The following NCAM2 variants were observed in gnomAD, a reference collection of about 807,000 sequenced individuals.
NCAM2 encodes the protein neural cell adhesion molecule 2.
Under a neutral mutation model 98.1 loss-of-function variants are expected in NCAM2, and 30 were observed. The ratio of observed to expected loss-of-function variants is 0.31; its 90% CI spans 0.23 to 0.41. NCAM2 has a LOEUF of 0.41. Among genes scored for constraint, NCAM2 ranks in the 10% least tolerant of loss-of-function variants. NCAM2 has a pLI of 1.00. For missense variants in NCAM2, 867 were observed against 1,005.8 expected (o/e 0.86, Z 1.87); for synonymous variants, 368 against 342.4 (o/e 1.07, Z -0.83).
intron 1 of NCAM2, among the ~76,000 whole-genome samples, chr21:21,121,773 G>A (rs2066679743): frequency 6.6e-6 from 1 of 152,222 alleles, no homozygotes; most frequent in African/African-American, 2.4e-5. Flanking sequence ...AGGAATTCCT[G>A]CCAGAATCAT....
rs559132331 is a variant in NCAM2, at chr21:21,286,011, T to G, written c.338-258T>G. Reference sequence around the variant, plus strand: ...GTGACAAGGAAGAGAGAGGAGAAATTGAGATTGGAGTTGAGGAGATACACT... The same window carrying G: ...GTGACAAGGAAGAGAGAGGAGAAATGGAGATTGGAGTTGAGGAGATACACT... On this transcript the variant is annotated intron_variant, in intron 3 of 17. Coordinates refer to ENST00000400546, the MANE Select transcript of NCAM2 (RefSeq NM_004540.5). Among the ~76,000 whole-genome samples, 5 of 151,956 alleles carry G rather than the reference T, an allele frequency of 3.3e-5. No homozygotes were observed. The East Asian group carries it at 9.7e-4, about 29-fold the overall frequency.
chr21:21,232,526 G>A (rs1361363277), intron 1 of NCAM2, among the ~76,000 whole-genome samples: 2 of 151,368 alleles, frequency 1.3e-5, no homozygotes, highest in Admixed American at 6.6e-5. Context: ...GCATCAGAAG[G>A]GCAGTTTGCT....
chr21:21,079,519 G>T (rs552644138), intron 1 of NCAM2, among the ~76,000 whole-genome samples: 1 of 151,964 alleles, frequency 6.6e-6, no homozygotes, highest in Non-Finnish European at 1.5e-5. Context: ...TACAGTAATT[G>T]GTAAGGAAAT....
intron 1 of NCAM2, among the ~76,000 whole-genome samples, chr21:21,008,647 C>G (rs2146126899): frequency 6.6e-6 from 1 of 152,280 alleles, no homozygotes; most frequent in South Asian, 2.1e-4. Context: ...GTTTGTTTTA[C>G]TCACATCCAT....
chr21:21,071,910 TC>T (rs2065576027), intron 1 of NCAM2, among the ~76,000 whole-genome samples: 1 of 150,374 alleles, frequency 6.7e-6, no homozygotes, highest in Admixed American at 6.6e-5. Flanking sequence ...TATCTATCTA[TC>T]TATCTATCTA....
chr21:21,420,434 G>T (rs1244205565), intron 11 of NCAM2, among the ~76,000 whole-genome samples: 1 of 151,864 alleles, frequency 6.6e-6, no homozygotes, highest in Admixed American at 6.6e-5. Flanking sequence ...TGGAAAAAAT[G>T]TGATTTACAG....
chr21:21,026,852 CTT>C (rs1568940953), intron 1 of NCAM2, among the ~76,000 whole-genome samples: 1 of 141,718 alleles, frequency 7.1e-6, no homozygotes, highest in African/African-American at 2.6e-5. Flanking sequence ...TTTTCTTCTT[CTT>C]CTTTTTTTTT....
At chr21:21,461,640 G>A (rs1982988490) in intron 12 of NCAM2, among the ~76,000 whole-genome samples, 1 of 151,474 alleles carries the variant, frequency 6.6e-6, no homozygotes, top group African/African-American at 2.4e-5. Flanking sequence ...ATCCATAAAA[G>A]TTATTTATAC....
intron 1 of NCAM2, among the ~76,000 whole-genome samples, chr21:21,202,036 A>G (rs1004265453): frequency 1.3e-5 from 2 of 152,142 alleles, no homozygotes; most frequent in Admixed American, 1.3e-4. Context: ...GTCTCATGGA[A>G]TCTGGAGTTG....
chr21:21,196,625 G>A (rs1227537558), intron 1 of NCAM2, among the ~76,000 whole-genome samples: 1 of 152,242 alleles, frequency 6.6e-6, no homozygotes, highest in Non-Finnish European at 1.5e-5. Flanking sequence ...AATTTGTGGA[G>A]TGAGTGACTT....
chr21:21,421,122 T>A (rs1019218589), intron 11 of NCAM2, among the ~76,000 whole-genome samples: 10 of 151,900 alleles, frequency 6.6e-5, no homozygotes, highest in African/African-American at 2.2e-4. Flanking sequence ...ACTTAATAAA[T>A]GACCAGAATT....
chr21:21,459,474 TATA>T (rs951471929), intron 12 of NCAM2, among the ~76,000 whole-genome samples: 3 of 148,342 alleles, frequency 2.0e-5, no homozygotes, highest in East Asian at 3.9e-4. Flanking sequence ...TATACACACA[TATA>T]ATATTCCTGT....
chr21:21,099,838 G>GT, intron 1 of NCAM2, among the ~76,000 whole-genome samples: 2 of 151,838 alleles, frequency 1.3e-5, no homozygotes, highest in African/African-American at 4.8e-5. Flanking sequence ...CACCCTGCCT[G>GT]TTATGTCATC....
Position 21,377,959 on chromosome 21 carries a change from T to C in NCAM2, c.1195+3946T>C, listed in dbSNP as rs116549072. Among the ~76,000 whole-genome samples the C allele has an allele frequency of 5.9e-3, 891 of 152,110 alleles. 13 individuals are homozygous for C. The highest frequency in any genetic ancestry group is 0.02 in the African/African-American group (821 of 41,544). On this transcript the variant is annotated intron_variant, in intron 9 of 17. Coordinates refer to ENST00000400546, the MANE Select transcript of NCAM2 (RefSeq NM_004540.5). ...AGTTGTCTTTTTGTGTTTGGCTTATTTAACTGAACACCAGTGTCCTCTAGA... is the reference window on the plus strand; with the variant it reads ...AGTTGTCTTTTTGTGTTTGGCTTATCTAACTGAACACCAGTGTCCTCTAGA...
intron 1 of NCAM2, among the ~76,000 whole-genome samples, chr21:21,062,802 A>G (rs7277713): frequency 0.21 from 31,797 of 152,158 alleles, 3,744 homozygotes; most frequent in African/African-American, 0.3. Flanking sequence ...AAACATTTTC[A>G]GAAAAAAATT....
chr21:21,223,725 T>C (rs897484068), intron 1 of NCAM2: 4 of 152,116 alleles, frequency 2.6e-5, no homozygotes, highest in Non-Finnish European at 5.9e-5. Context: ...CTTTTCCGAC[T>C]AGAGTTTGAT....
chr21:21,021,446 C>A (rs970025594), intron 1 of NCAM2, among the ~76,000 whole-genome samples: 3 of 152,092 alleles, frequency 2.0e-5, no homozygotes, highest in Admixed American at 1.3e-4. Context: ...CCTGGAGAAA[C>A]AAGCCTTAGA....
intron 1 of NCAM2, among the ~76,000 whole-genome samples, chr21:21,020,778 G>A (rs1437384768): frequency 6.6e-6 from 1 of 152,098 alleles, no homozygotes; most frequent in Admixed American, 6.6e-5. Flanking sequence ...GGTATTATAG[G>A]AACACTTTTT....
At chr21:21,128,519 G>A (rs540840423) in intron 1 of NCAM2, among the ~76,000 whole-genome samples, 6 of 152,188 alleles carry the variant, frequency 3.9e-5, no homozygotes, top group East Asian at 1.9e-4. Flanking sequence ...ATGAAAAAGA[G>A]CAAAAATCAT....
Sources: allele counts gnomAD v4.1 joint callset (sites outside exome capture counted in the v4.1 genomes callset), GRCh38; gene constraint gnomAD v4.1.1; transcripts MANE v1.5; gene names NCBI Gene and HGNC (gene_info 2026-07-23, HGNC 2026-07-21).